Variants in SYT1 observed in about 807,000 individuals in gnomAD.
The protein encoded by SYT1 is synaptotagmin 1, also known as synaptotagmin-1.
In SYT1, 8 loss-of-function variants were observed where a neutral mutation model predicts 44.8. The ratio of observed to expected loss-of-function variants is 0.18; its 90% CI spans 0.10 to 0.32. The LOEUF is 0.32. Ranked by LOEUF, SYT1 falls within the 10% of genes least tolerant of loss-of-function variation. SYT1 has a pLI of 1.00. For synonymous variants in SYT1, 154 were observed against 188.8 expected (o/e 0.82, Z 1.51); for missense variants, 286 against 509.3 (o/e 0.56, Z 4.22).
In SYT1 at chr12:79,055,040, T is replaced by C. The variant is rs181238976; in HGVS notation, c.-18+7678T>C. Among the ~76,000 whole-genome samples, 318 of 152,068 alleles carry C rather than the reference T, an allele frequency of 2.1e-3. 1 individual carries two copies. Among genetic ancestry groups the C allele is most frequent in the Admixed American group, 0.019 (297 of 15,232 alleles). On this transcript the variant is annotated intron_variant, in intron 3 of 10. Coordinates refer to ENST00000261205, the MANE Select transcript of SYT1 (RefSeq NM_005639.3). ...TAGTACTGGCTTTGAAAATTCTCTA[T>C]ATTCAAATGCCAGCTCCACCACTTA...
At chr12:79,023,758 T>A (rs1267385977) in intron 2 of SYT1, among the ~76,000 whole-genome samples, 1 of 151,832 alleles carries the variant, frequency 6.6e-6, no homozygotes, top group African/African-American at 2.4e-5. Flanking sequence ...GTTTCTGTTA[T>A]CTCATTTGCT....
intron 3 of SYT1, among the ~76,000 whole-genome samples, chr12:79,149,326 G>A (rs112165378): frequency 0.011 from 1,645 of 152,106 alleles, 28 homozygotes; most frequent in African/African-American, 0.037. Context: ...ATATAGGGAG[G>A]TGAAATTTCA....
chr12:79,156,193 C>T (rs1051642842), intron 3 of SYT1, among the ~76,000 whole-genome samples: 1 of 152,118 alleles, frequency 6.6e-6, no homozygotes, highest in African/African-American at 2.4e-5. Context: ...AATGAACTGA[C>T]AGAATTGTGA....
intron 3 of SYT1, among the ~76,000 whole-genome samples, chr12:79,130,582 G>A (rs552188612): frequency 2.5e-4 from 38 of 152,258 alleles, no homozygotes; most frequent in African/African-American, 9.1e-4. Flanking sequence ...TTATTTGTTT[G>A]CATCTTTTGT....
intron 3 of SYT1, among the ~76,000 whole-genome samples, chr12:79,200,073 T>A (rs1487446476): frequency 1.3e-5 from 2 of 152,098 alleles, no homozygotes; most frequent in East Asian, 3.9e-4. Context: ...TTATGCTTCC[T>A]ACCAAAAGCT....
chr12:79,192,406 A>G (rs930616867), intron 3 of SYT1, among the ~76,000 whole-genome samples: 38 of 152,220 alleles, frequency 2.5e-4, no homozygotes, highest in African/African-American at 8.9e-4. Flanking sequence ...TGTCTTCAGG[A>G]TGGGTAGGGA....
At chr12:79,354,789 T>G (rs1162076743) in intron 9 of SYT1, among the ~76,000 whole-genome samples, 1 of 152,174 alleles carries the variant, frequency 6.6e-6, no homozygotes, top group East Asian at 1.9e-4. Context: ...GCAGAGAAAT[T>G]TTTAACTACA....
intron 9 of SYT1, among the ~76,000 whole-genome samples, chr12:79,394,703 TA>T (rs1884802310): frequency 6.6e-6 from 1 of 152,216 alleles, no homozygotes; most frequent in African/African-American, 2.4e-5. Context: ...CAATAAAATA[TA>T]ATACCTAACT....
chr12:79,394,655 G>A (rs1884800737), intron 9 of SYT1, among the ~76,000 whole-genome samples: 1 of 152,006 alleles, frequency 6.6e-6, no homozygotes. Flanking sequence ...AATTGATTTG[G>A]CTTATTTTAT....
At chr12:79,135,150 C>T (rs956001070) in intron 3 of SYT1, among the ~76,000 whole-genome samples, 12 of 151,904 alleles carry the variant, frequency 7.9e-5, no homozygotes, top group Non-Finnish European at 1.5e-4. Context: ...ATGTGCACAA[C>T]GTGCAGGTTT....
intron 4 of SYT1, among the ~76,000 whole-genome samples, chr12:79,235,743 CACTA>C (rs1303401579): frequency 6.6e-6 from 1 of 151,316 alleles, no homozygotes; most frequent in Non-Finnish European, 1.5e-5. Flanking sequence ...TTTTAATAGA[CACTA>C]AATCAAAGAA....
chr12:79,330,997 C>G (rs1881830654), intron 8 of SYT1, among the ~76,000 whole-genome samples: 1 of 152,116 alleles, frequency 6.6e-6, no homozygotes, highest in African/African-American at 2.4e-5. Context: ...TCCTGCAGTT[C>G]CTTATTCATA....
At chr12:79,332,582 A>T (rs1881902933) in intron 8 of SYT1, among the ~76,000 whole-genome samples, 2 of 152,228 alleles carry the variant, frequency 1.3e-5, no homozygotes, top group Admixed American at 6.5e-5. Flanking sequence ...CCATCAAAGG[A>T]ATAAAAGTCA....
At chr12:79,170,241 A>T (rs1291905635) in intron 3 of SYT1, among the ~76,000 whole-genome samples, 3 of 152,118 alleles carry the variant, frequency 2.0e-5, no homozygotes, top group African/African-American at 7.2e-5. Flanking sequence ...GTCAAATGGT[A>T]GTTCTGTCTT....
At chr12:79,267,989 A>G (rs550060947) in intron 4 of SYT1, among the ~76,000 whole-genome samples, 36 of 152,342 alleles carry the variant, frequency 2.4e-4, no homozygotes, top group African/African-American at 8.7e-4. Flanking sequence ...TGTGCAGATA[A>G]AACGTCCTTC....
At chr12:79,376,297 C>T (rs144827617) in intron 9 of SYT1, among the ~76,000 whole-genome samples, 160 of 152,318 alleles carry the variant, frequency 1.1e-3, no homozygotes, top group Non-Finnish European at 1.7e-3. Context: ...GTCCCGAGGG[C>T]TGCTGGTTGC....
At chr12:79,247,019 G>T (rs1255512825) in intron 4 of SYT1, among the ~76,000 whole-genome samples, 2 of 152,152 alleles carry the variant, frequency 1.3e-5, no homozygotes, top group Non-Finnish European at 2.9e-5. Context: ...TTGCTGAGAA[G>T]TCAAAGAATA....
chr12:78,932,663 T>A (rs531592965), intron 1 of SYT1, among the ~76,000 whole-genome samples: 2 of 152,336 alleles, frequency 1.3e-5, no homozygotes, highest in Admixed American at 6.5e-5. Flanking sequence ...TTATTTTTTA[T>A]CTGACTCTCC....
chr12:79,363,570 A>C (rs1001891265), intron 9 of SYT1, among the ~76,000 whole-genome samples: 37 of 144,668 alleles, frequency 2.6e-4, no homozygotes, highest in Non-Finnish European at 4.9e-4. Context: ...TACAAAAAAA[A>C]TTAAAAAAAA....
Sources: gnomAD v4.1 joint callset for allele counts (sites outside exome capture counted in the v4.1 genomes callset) on GRCh38, gnomAD v4.1.1 for gene constraint, MANE v1.5 for transcripts, NCBI Gene and HGNC (gene_info 2026-07-23, HGNC 2026-07-21) for gene names.